TMEM38B: variants seen among roughly 807,000 people sequenced by gnomAD.
TMEM38B encodes the protein transmembrane protein 38B.
TMEM38B carries 24 observed loss-of-function variants against 28.7 expected under a neutral mutation model. The ratio of observed to expected loss-of-function variants is 0.84; its 90% CI spans 0.61 to 1.18. TMEM38B has a LOEUF of 1.18. Ranked by LOEUF, TMEM38B falls within the 50% of genes most tolerant of loss-of-function variation. TMEM38B has a pLI of 0.00. For missense variants in TMEM38B, 380 were observed against 350.9 expected (o/e 1.08, Z -0.66); for synonymous variants, 131 against 127.7 (o/e 1.03, Z -0.17).
At chr9:105,705,416 C>A (rs1187359869) in intron 1 of TMEM38B, among the ~76,000 whole-genome samples, 181 bp from the exon 2 acceptor site, 1 of 152,126 alleles carries the variant, frequency 6.6e-6, no homozygotes, top group Non-Finnish European at 1.5e-5. Context: ...CAAAATGTTT[C>A]CAGTCTTGCT....
intron 4 of TMEM38B, among the ~76,000 whole-genome samples, chr9:105,743,985 C>G (rs1200358771): frequency 6.6e-6 from 1 of 151,992 alleles, no homozygotes; most frequent in Non-Finnish European, 1.5e-5. Context: ...ATTCTAAAAT[C>G]TATAGTTTAT....
intron 2 of TMEM38B, among the ~76,000 whole-genome samples, chr9:105,717,360 A>T (rs1836140478): frequency 6.6e-6 from 1 of 152,234 alleles, no homozygotes; most frequent in Non-Finnish European, 1.5e-5. Flanking sequence ...CCTAAAATAA[A>T]TCTTTAAGCA....
chr9:105,719,910 T>C (rs963191162), intron 2 of TMEM38B, among the ~76,000 whole-genome samples: 2 of 152,052 alleles, frequency 1.3e-5, no homozygotes, highest in Admixed American at 6.5e-5. Flanking sequence ...ATAATAGATA[T>C]AAAAATACAT....
At chr9:105,697,662 G>A (rs1171106692) in intron 1 of TMEM38B, among the ~76,000 whole-genome samples, 2 of 151,928 alleles carry the variant, frequency 1.3e-5, no homozygotes, top group African/African-American at 2.4e-5. Flanking sequence ...TTCTATTTAT[G>A]TCTGTAGTCC....
chr9:105,694,609 C>A lies in TMEM38B; in HGVS notation c.-52C>A. On this transcript the variant is annotated 5_prime_UTR_variant, in exon 1 of 6. Transcript: ENST00000374692. ...CCTCTCCTACTCCTCACCGCGCGAG[C>A]GCGGGGAACCAGTAGCCGCGGCTGC... The A allele has an allele frequency of 1.3e-6, 2 of 1,513,260 alleles. No individual in the cohort carries two copies. The highest frequency in any genetic ancestry group is 1.1e-5 in the South Asian group (1 of 88,858). 93.7% of individuals were successfully genotyped at this position (1,513,260 alleles called of 1,614,324 possible).
chr9:105,715,129 T>TA (rs1836048106), intron 2 of TMEM38B, among the ~76,000 whole-genome samples: 1 of 152,182 alleles, frequency 6.6e-6, no homozygotes, highest in African/African-American at 2.4e-5. Context: ...ACAGTAGTCT[T>TA]AGAGTAATGT....
intron 2 of TMEM38B, among the ~76,000 whole-genome samples, chr9:105,709,683 A>T (rs1469423095): frequency 5.9e-5 from 9 of 152,210 alleles, no homozygotes. Flanking sequence ...TGTCGAATAT[A>T]ATTGGAATTT....
At chr9:105,727,489 A>T (rs2133585475) in intron 4 of TMEM38B, among the ~76,000 whole-genome samples, 1 of 152,282 alleles carries the variant, frequency 6.6e-6, no homozygotes, top group Non-Finnish European at 1.5e-5. Flanking sequence ...GATTTCAGAT[A>T]TTTTTGGATT....
chr9:105,714,315 T>C (rs1399574743), intron 2 of TMEM38B, among the ~76,000 whole-genome samples: 1 of 152,200 alleles, frequency 6.6e-6, no homozygotes, highest in African/African-American at 2.4e-5. Flanking sequence ...AGCTTCTCTT[T>C]GTCTTGCTCA....
In TMEM38B at chr9:105,715,631, T is replaced by C. The variant is rs111804431; in HGVS notation, c.270-5906T>C. Among the ~76,000 whole-genome samples, 189 of 152,272 alleles carry C rather than the reference T, an allele frequency of 1.2e-3. 1 individual carries two copies. Among genetic ancestry groups the C allele is most frequent in the African/African-American group, 4.4e-3 (184 of 41,580 alleles). On this transcript the variant is annotated intron_variant, in intron 2 of 5. Transcript: ENST00000374692. ...TTTTCTCTTTTCTCTTTTCTCCTGC[T>C]GTTTCTTTGAAGACACTATCTGTTA...
intron 4 of TMEM38B, 54 bp from the exon 5 acceptor site, chr9:105,748,019 T>C: frequency 8.2e-7 from 1 of 1,220,100 alleles, no homozygotes; most frequent in Non-Finnish European, 1.2e-6. Flanking sequence ...TTTGAGAAAG[T>C]TAGAGATATG....
At chr9:105,750,538 A>C (rs1837608363) in intron 5 of TMEM38B, among the ~76,000 whole-genome samples, 1 of 152,134 alleles carries the variant, frequency 6.6e-6, no homozygotes, top group Non-Finnish European at 1.5e-5. Flanking sequence ...CACTTGAACC[A>C]GGGAGGCAGA....
chr9:105,710,954 G>C (rs542715675), intron 2 of TMEM38B, among the ~76,000 whole-genome samples: 1 of 152,204 alleles, frequency 6.6e-6, no homozygotes, highest in East Asian at 1.9e-4. Flanking sequence ...GCAAAGCTGG[G>C]ACCACGGTGG....
Position 105,728,851 on chromosome 9 carries a change from A to G in TMEM38B, c.542+6230A>G, listed in dbSNP as rs576166603. 1.1e-3 allele frequency among the ~76,000 whole-genome samples: 170 copies of G among 152,154 alleles called. 1 individual carries two copies. The highest frequency in any genetic ancestry group is 3.9e-3 in the African/African-American group (160 of 41,520). ...CCAGTGATAATGAACATTTTTTCAT[A>G]TGTCTGTTGGCTGCATTAATGTCTT... On this transcript the variant is annotated intron_variant, in intron 4 of 5. Coordinates refer to ENST00000374692, the MANE Select transcript of TMEM38B (RefSeq NM_018112.3).
intron 5 of TMEM38B, among the ~76,000 whole-genome samples, chr9:105,761,700 A>G (rs1838058388): frequency 1.3e-5 from 2 of 152,186 alleles, no homozygotes; most frequent in Admixed American, 1.3e-4. Context: ...ATTGGTGCAC[A>G]TTAGACTCAC....
At chr9:105,773,390 A>G (rs1826622433) in intron 5 of TMEM38B, among the ~76,000 whole-genome samples, 1 of 152,110 alleles carries the variant, frequency 6.6e-6, no homozygotes, top group Non-Finnish European at 1.5e-5. Context: ...GAATCTGGAT[A>G]TTGCAAACTT....
At chr9:105,725,261 T>C (rs554441682) in intron 4 of TMEM38B, among the ~76,000 whole-genome samples, 2 of 151,924 alleles carry the variant, frequency 1.3e-5, no homozygotes, top group Admixed American at 1.3e-4. Context: ...TCATTATGTT[T>C]ATTCTCCCCT....
intron 4 of TMEM38B, among the ~76,000 whole-genome samples, chr9:105,735,585 T>C (rs1836943053): frequency 6.6e-6 from 1 of 152,222 alleles, no homozygotes; most frequent in African/African-American, 2.4e-5. Flanking sequence ...AGTTGTTTTC[T>C]TTCAGCTGTC....
At chr9:105,733,105 G>T (rs952410448) in intron 4 of TMEM38B, among the ~76,000 whole-genome samples, 2 of 152,154 alleles carry the variant, frequency 1.3e-5, no homozygotes, top group African/African-American at 2.4e-5. Context: ...GAGACAGTTT[G>T]TTGTGATTTC....
Sources: allele counts gnomAD v4.1 joint callset (sites outside exome capture counted in the v4.1 genomes callset), GRCh38; gene constraint gnomAD v4.1.1; transcripts MANE v1.5; gene names NCBI Gene and HGNC (gene_info 2026-07-23, HGNC 2026-07-21).